SORCS2: variants seen among roughly 807,000 people sequenced by gnomAD.
SORCS2 encodes the protein sortilin related VPS10 domain containing receptor 2, also known as VPS10 domain-containing receptor SorCS2.
Under a neutral mutation model 141.6 loss-of-function variants are expected in SORCS2, and 100 were observed. That is an observed-to-expected ratio of 0.71 (90% CI 0.60 to 0.83). The LOEUF (loss-of-function observed/expected upper bound fraction) is 0.83. SORCS2 is among the 40% of genes least tolerant of loss of function. SORCS2 has a pLI of 0.00. For synonymous variants in SORCS2, 789 were observed against 676.9 expected, an observed-to-expected ratio of 1.17 and a Z score of -2.57; for missense variants, 1,646 against 1,560.2, an observed-to-expected ratio of 1.05 and a Z score of -0.93.
At chr4:7,653,923 C>T (rs868175817) in intron 4 of SORCS2, among the ~76,000 whole-genome samples, 1 of 152,220 alleles carries the variant, frequency 6.6e-6, no homozygotes, top group Non-Finnish European at 1.5e-5. Context: ...TCTCCTGGCT[C>T]CTGCCAGCTG....
At chr4:7,327,057 C>G (rs11938940) in intron 1 of SORCS2, among the ~76,000 whole-genome samples, 25,650 of 152,234 alleles carry the variant, frequency 0.17, 2,568 homozygotes, top group East Asian at 0.36. Context: ...ATCCAGCTCT[C>G]CCCTGTCCCT....
chr4:7,651,516 A>G (rs1197399304), intron 4 of SORCS2, among the ~76,000 whole-genome samples: 1 of 152,182 alleles, frequency 6.6e-6, no homozygotes, highest in African/African-American at 2.4e-5. Context: ...GGCTTTTCCC[A>G]GTTGCTGTGC....
chr4:7,511,373 T>TAC (rs1732631239), intron 2 of SORCS2, among the ~76,000 whole-genome samples: 1 of 59,540 alleles, frequency 1.7e-5, no homozygotes, highest in Admixed American at 2.6e-4. Flanking sequence ...GAGTGAGAGG[T>TAC]ACACACAAAA....
At chr4:7,345,117 T>C (rs3864199) in intron 1 of SORCS2, among the ~76,000 whole-genome samples, 23,934 of 152,142 alleles carry the variant, frequency 0.16, 2,245 homozygotes, top group Non-Finnish European at 0.21. Context: ...GTGATGAAAA[T>C]GTCACTCGTA....
chr4:7,362,618 G>T (rs565453460), intron 1 of SORCS2, among the ~76,000 whole-genome samples: 2 of 152,060 alleles, frequency 1.3e-5, no homozygotes, highest in Non-Finnish European at 2.9e-5. Flanking sequence ...TGCGGTTCCA[G>T]GGGGAACCTG....
chr4:7,313,385 G>A (rs1321988853), intron 1 of SORCS2, among the ~76,000 whole-genome samples: 1 of 152,214 alleles, frequency 6.6e-6, no homozygotes, highest in Non-Finnish European at 1.5e-5. Context: ...ACCGTCTGGG[G>A]GAAGACAGGC....
chr4:7,497,560 C>T (rs952274668), intron 2 of SORCS2, among the ~76,000 whole-genome samples: 5 of 152,260 alleles, frequency 3.3e-5, no homozygotes, highest in Non-Finnish European at 5.9e-5. Flanking sequence ...CCGCCATTCC[C>T]AAAGGAGCCC....
chr4:7,514,164 G>A (rs4343727), intron 2 of SORCS2, among the ~76,000 whole-genome samples: 100,382 of 151,960 alleles, frequency 0.66, 33,695 homozygotes, highest in East Asian at 0.97. Flanking sequence ...GGCATGAAGC[G>A]GGGGCCACTC....
intron 2 of SORCS2, chr4:7,434,905 G>C (rs1727190533): frequency 6.6e-7 from 1 of 1,521,046 alleles, no homozygotes; most frequent in Non-Finnish European, 8.8e-7. Context: ...TCTGGCTCCA[G>C]AGTACCCAGC....
chr4:7,468,528 C>T (rs983966372), intron 2 of SORCS2, among the ~76,000 whole-genome samples: 3 of 152,318 alleles, frequency 2.0e-5, no homozygotes, highest in South Asian at 2.1e-4. Flanking sequence ...GCCAAGAAGC[C>T]TCATGGTTCT....
Position 7,201,105 on chromosome 4 carries a change from G to C in SORCS2, c.480+7979G>C. Among the ~76,000 whole-genome samples, 1 of 152,312 alleles carries C rather than the reference G, an allele frequency of 6.6e-6. No homozygotes were observed. The highest frequency in any genetic ancestry group is 6.5e-5 in the Admixed American group (1 of 15,304). Reference sequence around the variant, plus strand: ...CGTTCTAGGTGCCGTGTGAATCTGCGCTGGGGAAGTCTGGGAAGATTTCCT... The same window carrying C: ...CGTTCTAGGTGCCGTGTGAATCTGCCCTGGGGAAGTCTGGGAAGATTTCCT... On this transcript the variant is annotated intron_variant, in intron 1 of 26. Coordinates refer to ENST00000507866, the MANE Select transcript of SORCS2 (RefSeq NM_020777.3). This position sits in a 1 kb window ranked among gnomAD's most constrained non-coding sequence, Gnocchi z 4.4.
intron 2 of SORCS2, among the ~76,000 whole-genome samples, chr4:7,453,027 CATGTTGGGGTCAGGTGCTGT>C (rs1728581604): frequency 1.1e-5 from 1 of 87,368 alleles, no homozygotes; most frequent in African/African-American, 4.5e-5. Flanking sequence ...GGTCAGGCTC[CATGTTGGGGTCAGGTGCTGT>C]GTGTTGGGGT....
chr4:7,639,945 G>C (rs1423892588), intron 4 of SORCS2, among the ~76,000 whole-genome samples: 2 of 151,564 alleles, frequency 1.3e-5, no homozygotes, highest in Non-Finnish European at 2.9e-5. Context: ...GTCTGTGTTT[G>C]TGAGAATGAG....
At chr4:7,592,026 C>A (rs1229853856) in intron 3 of SORCS2, among the ~76,000 whole-genome samples, 1 of 152,160 alleles carries the variant, frequency 6.6e-6, no homozygotes, top group African/African-American at 2.4e-5. Context: ...ATTGGCAGAG[C>A]AGCTAGGAAA....
intron 17 of SORCS2, among the ~76,000 whole-genome samples, chr4:7,716,563 C>T (rs1214322045): frequency 6.6e-6 from 1 of 152,080 alleles, no homozygotes; most frequent in Non-Finnish European, 1.5e-5. Flanking sequence ...TCAATCTATC[C>T]ATCCATTCAC....
chr4:7,614,782 C>T (rs1161703244), intron 3 of SORCS2, among the ~76,000 whole-genome samples: 1 of 151,506 alleles, frequency 6.6e-6, no homozygotes, highest in Non-Finnish European at 1.5e-5. Context: ...ATCATTCACC[C>T]ATAATCCATT....
chr4:7,691,454 C>G (rs976923836), intron 11 of SORCS2, among the ~76,000 whole-genome samples: 6 of 152,066 alleles, frequency 3.9e-5, no homozygotes, highest in African/African-American at 1.4e-4. Flanking sequence ...CTGGGTCTGA[C>G]GGCAGAGACC....
chr4:7,418,951 T>C (rs1315612302), intron 2 of SORCS2, among the ~76,000 whole-genome samples: 1 of 152,212 alleles, frequency 6.6e-6, no homozygotes, highest in Non-Finnish European at 1.5e-5. Context: ...TAGCCTGGGC[T>C]TATATACACA....
chr4:7,657,862 ATGAGTGAGTGAGTCACTGAGTGAATGAG>A (rs1210014467), intron 5 of SORCS2, among the ~76,000 whole-genome samples: 4 of 143,888 alleles, frequency 2.8e-5, no homozygotes, highest in African/African-American at 1.0e-4. Context: ...GAGTAAGTGA[ATGAGTGAGTGAGTCACTGAGTGAATGAG>A]TGAGTGAGTG....
Sources: gnomAD v4.1 joint callset for allele counts (sites outside exome capture counted in the v4.1 genomes callset) on GRCh38, gnomAD v4.1.1 for gene constraint, Gnocchi (gnomAD v3.1) non-coding constraint, MANE v1.5 for transcripts, NCBI Gene and HGNC (gene_info 2026-07-23, HGNC 2026-07-21) for gene names.